The following VPS13B variants were observed in gnomAD, a reference collection of about 807,000 sequenced individuals.
VPS13B encodes vacuolar protein sorting 13 homolog B.
VPS13B carries 285 observed loss-of-function variants against 426.4 expected under a neutral mutation model. The observed-to-expected ratio is 0.67, with a 90% CI of 0.61 to 0.74. The LOEUF (loss-of-function observed/expected upper bound fraction) is 0.74, where lower values mean the gene tolerates loss of function less well. Ranked by LOEUF, VPS13B falls within the 30% of genes least tolerant of loss-of-function variation. The pLI is 0.00. For missense variants in VPS13B, 4,537 were observed against 4,782.6 expected, an observed-to-expected ratio of 0.95 and a Z score of 1.51; for synonymous variants, 1,676 against 1,676.4, an observed-to-expected ratio of 1.00 and a Z score of 0.01.
chr8:99,323,413 C>T (rs1247285631), intron 19 of VPS13B, among the ~76,000 whole-genome samples: 1 of 152,144 alleles, frequency 6.6e-6, no homozygotes, highest in Non-Finnish European at 1.5e-5. Context: ...TTCTTACATC[C>T]TTAAAAACTC....
At chr8:99,199,295 C>T (rs1025579739) in intron 17 of VPS13B, among the ~76,000 whole-genome samples, 28 of 152,068 alleles carry the variant, frequency 1.8e-4, no homozygotes, top group African/African-American at 6.5e-4. Flanking sequence ...CATTTTCCTC[C>T]CGAGTAGCTG....
At chr8:99,400,889 C>G (rs922167611) in intron 21 of VPS13B, among the ~76,000 whole-genome samples, 5 of 152,184 alleles carry the variant, frequency 3.3e-5, no homozygotes, top group African/African-American at 1.2e-4. Context: ...CCAGGCTGGT[C>G]TCGAACTCCT....
intron 39 of VPS13B, among the ~76,000 whole-genome samples, chr8:99,731,150 G>C (rs988104043): frequency 2.6e-5 from 4 of 152,194 alleles, no homozygotes; most frequent in African/African-American, 9.6e-5. Context: ...GGGATTAGTG[G>C]AAGAGTGAGT....
chr8:99,568,299 A>ATTT (rs1290790891), intron 31 of VPS13B, among the ~76,000 whole-genome samples: 178 of 141,034 alleles, frequency 1.3e-3, no homozygotes, highest in African/African-American at 3.6e-3. Context: ...TATTATTATT[A>ATTT]TTTTTTTTTG....
intron 30 of VPS13B, among the ~76,000 whole-genome samples, chr8:99,528,184 A>G (rs2133687802): frequency 6.6e-6 from 1 of 152,200 alleles, no homozygotes; most frequent in South Asian, 2.1e-4. Flanking sequence ...TCTGATTCTG[A>G]GTACTATGTG....
intron 33 of VPS13B, among the ~76,000 whole-genome samples, chr8:99,611,741 G>A (rs1186307303): frequency 1.3e-5 from 2 of 151,940 alleles, no homozygotes; most frequent in Admixed American, 6.6e-5. Context: ...TAGTAAAATA[G>A]ACTGGAAAGT....
intron 40 of VPS13B, 128 bp downstream of exon 40, chr8:99,767,098 G>C (rs930612143): frequency 1.4e-5 from 13 of 920,830 alleles, no homozygotes; most frequent in African/African-American, 6.6e-5. Context: ...CTGAACAACA[G>C]ATGAGAACCA....
chr8:99,503,405 CAAT>C (rs1210370418), intron 27 of VPS13B, among the ~76,000 whole-genome samples: 2 of 152,018 alleles, frequency 1.3e-5, no homozygotes, highest in African/African-American at 4.8e-5. Context: ...AAAAATAAGT[CAAT>C]GATGTCATTT....
chr8:99,189,956 A>C (rs1373486155), intron 16 of VPS13B, among the ~76,000 whole-genome samples: 1 of 152,144 alleles, frequency 6.6e-6, no homozygotes, highest in African/African-American at 2.4e-5. Flanking sequence ...AGTTAGGCCA[A>C]GTTGATTGAT....
At chr8:99,859,592 C>A (rs1816727165) in intron 57 of VPS13B, 112 bp downstream of exon 57, 35 of 1,405,320 alleles carry the variant, frequency 2.5e-5, no homozygotes, top group Non-Finnish European at 3.1e-5. Context: ...CTTTGTTTGG[C>A]CTTTTAGCTT....
intron 2 of VPS13B, among the ~76,000 whole-genome samples, chr8:99,021,386 G>T (rs1339784594): frequency 6.6e-6 from 1 of 152,156 alleles, no homozygotes; most frequent in East Asian, 1.9e-4. Context: ...ACTTTGGGAG[G>T]CCGAGGCGGG....
chr8:99,392,891 C>G (rs891783717), intron 21 of VPS13B, among the ~76,000 whole-genome samples: 6 of 151,840 alleles, frequency 4.0e-5, no homozygotes, highest in African/African-American at 1.5e-4. Context: ...CATTTTGTAT[C>G]ACAAAAAGAT....
intron 29 of VPS13B, among the ~76,000 whole-genome samples, chr8:99,517,599 T>C (rs996240320): frequency 6.6e-6 from 1 of 152,208 alleles, no homozygotes; most frequent in East Asian, 1.9e-4. Flanking sequence ...TTATGTGCAG[T>C]TACTATCAGG....
At chr8:99,235,272 G>A (rs1371473580) in intron 17 of VPS13B, among the ~76,000 whole-genome samples, 1 of 152,158 alleles carries the variant, frequency 6.6e-6, no homozygotes, top group Non-Finnish European at 1.5e-5. Context: ...GAGAAATTGA[G>A]TACCATGCTA....
At chr8:99,447,622 G>A (rs945018538) in intron 23 of VPS13B, among the ~76,000 whole-genome samples, 4 of 151,960 alleles carry the variant, frequency 2.6e-5, no homozygotes, top group African/African-American at 9.7e-5. Context: ...TCAGCCCCTG[G>A]CTTTAATTAT....
At chr8:99,744,059 T>C (rs192372837) in intron 39 of VPS13B, among the ~76,000 whole-genome samples, 22 of 152,240 alleles carry the variant, frequency 1.4e-4, no homozygotes, top group Admixed American at 1.0e-3. Context: ...TGGGAGACAA[T>C]TTTTGCAATC....
chr8:99,500,791 A>G (rs775412081), intron 25 of VPS13B, among the ~76,000 whole-genome samples: 1 of 152,228 alleles, frequency 6.6e-6, no homozygotes, highest in Non-Finnish European at 1.5e-5. Context: ...AGCTAATCCT[A>G]AAAGAACTCA....
rs775431708 is a variant in VPS13B, at chr8:99,360,218, CTTTCTTTCTTTCTT to C, written c.2825-23988_2825-23975del. On this transcript the variant is annotated intron_variant, in intron 19 of 61. Coordinates refer to ENST00000357162, the MANE Select transcript of VPS13B (RefSeq NM_152564.5). The stretch of plus-strand genomic sequence containing the variant: ...TCTCTCTCTCTCTCTCTCTTTCTTT[CTTTCTTTCTTTCTT>C]TCTCTCTCTCCTTCCTTCCTTCCTT... Among the ~76,000 whole-genome samples the C allele has an allele frequency of 1.8e-4, 16 of 86,528 alleles. 2 individuals carry two copies. The highest frequency in any genetic ancestry group is 3.4e-4 in the East Asian group (1 of 2,952). 56.8% of individuals were successfully genotyped at this position (86,528 alleles called of 152,430 possible).
intron 54 of VPS13B, among the ~76,000 whole-genome samples, chr8:99,839,503 G>C (rs1245933117): frequency 6.6e-6 from 1 of 152,176 alleles, no homozygotes; most frequent in Admixed American, 6.5e-5. Context: ...AAAATTCTAA[G>C]GGCAATAAGT....
Sources: gnomAD v4.1 joint callset for allele counts (sites outside exome capture counted in the v4.1 genomes callset) on GRCh38, gnomAD v4.1.1 for gene constraint, MANE v1.5 for transcripts, NCBI Gene and HGNC (gene_info 2026-07-23, HGNC 2026-07-21) for gene names.